Variants in PALM2AKAP2 observed in about 807,000 individuals in gnomAD.
PALM2AKAP2 encodes PALM2 and AKAP2 fusion.
In PALM2AKAP2, 37 loss-of-function variants were observed where a neutral mutation model predicts 71.5. The observed-to-expected ratio is 0.52, with a 90% confidence interval of 0.40 to 0.68. PALM2AKAP2 has a LOEUF of 0.68. PALM2AKAP2 is among the 30% of genes least tolerant of loss of function. PALM2AKAP2 has a pLI of 0.00. For missense variants in PALM2AKAP2, 1,224 were observed against 1,191.8 expected, an observed-to-expected ratio of 1.03 and a Z score of -0.40; for synonymous variants, 468 against 478.8, an observed-to-expected ratio of 0.98 and a Z score of 0.29.
intron 6 of PALM2AKAP2, among the ~76,000 whole-genome samples, chr9:109,979,825 A>C (rs926390486): frequency 1.3e-5 from 2 of 152,218 alleles, no homozygotes; most frequent in Admixed American, 6.5e-5. Flanking sequence ...AAATAGATTG[A>C]AAAATGAGAC....
At chr9:109,946,991 T>C (rs1395903010) in intron 6 of PALM2AKAP2, among the ~76,000 whole-genome samples, 2 of 152,234 alleles carry the variant, frequency 1.3e-5, no homozygotes, top group Non-Finnish European at 2.9e-5. Flanking sequence ...TTTCCTTGCA[T>C]AAGCAAAAAA....
intron 7 of PALM2AKAP2, among the ~76,000 whole-genome samples, chr9:110,038,499 GA>G (rs1833452836): frequency 6.6e-6 from 1 of 152,130 alleles, no homozygotes; most frequent in Non-Finnish European, 1.5e-5. Context: ...TGAGTTTGGA[GA>G]AATGACCACT....
At chr9:110,136,983 C>A in exon 2 of PALM2AKAP2, 1 of 1,614,122 alleles carries the variant, frequency 6.2e-7, no homozygotes, top group African/African-American at 1.3e-5. Context: ...CAGGAAAAAA[C>A]CATCGAGGAG....
At chr9:110,165,135 G>T (rs995788815) in intron 3 of PALM2AKAP2, among the ~76,000 whole-genome samples, 5 of 152,120 alleles carry the variant, frequency 3.3e-5, no homozygotes, top group Admixed American at 2.0e-4. Context: ...GATTCAAACA[G>T]TAACATCGTA....
intron 1 of PALM2AKAP2, among the ~76,000 whole-genome samples, chr9:109,661,887 T>G (rs1207005631): frequency 6.6e-6 from 1 of 152,218 alleles, no homozygotes; most frequent in African/African-American, 2.4e-5. Flanking sequence ...TTCACATCCC[T>G]TGTAAGTTGG....
At chr9:109,691,835 T>G (rs1481225272) in intron 1 of PALM2AKAP2, among the ~76,000 whole-genome samples, 16 of 12,934 alleles carry the variant, frequency 1.2e-3, no homozygotes, top group African/African-American at 0.011. Flanking sequence ...AGAAAGACGA[T>G]ATATATATAT....
chr9:109,982,567 A>G (rs1297430920), intron 6 of PALM2AKAP2, among the ~76,000 whole-genome samples: 1 of 152,236 alleles, frequency 6.6e-6, no homozygotes, highest in Non-Finnish European at 1.5e-5. Context: ...GTATCAAAAT[A>G]TATAATGTAC....
At chr9:109,780,262 G>T, upstream of PALM2AKAP2, 2 of 1,172,654 alleles carry the variant, frequency 1.7e-6, no homozygotes, top group South Asian at 4.1e-5. Flanking sequence ...GAGCGGCGGC[G>T]CTGGGGCGCA....
chr9:109,741,393 T>C (rs1466391978), intron 1 of PALM2AKAP2, among the ~76,000 whole-genome samples: 2 of 152,226 alleles, frequency 1.3e-5, no homozygotes, highest in Non-Finnish European at 1.5e-5. Flanking sequence ...TGGTTTTGGC[T>C]ATTTTCAATA....
chr9:109,768,591 G>A (rs1457297052), intron 1 of PALM2AKAP2, among the ~76,000 whole-genome samples: 1 of 152,142 alleles, frequency 6.6e-6, no homozygotes, highest in Non-Finnish European at 1.5e-5. Flanking sequence ...TGATACTTAA[G>A]TAGTTCCACA....
chr9:109,849,517 G>T (rs1490093661), intron 1 of PALM2AKAP2, among the ~76,000 whole-genome samples: 4 of 152,196 alleles, frequency 2.6e-5, no homozygotes, highest in African/African-American at 9.7e-5. Flanking sequence ...GGAGGCGAAG[G>T]TGGGTGGATC....
At chr9:110,124,779 T>C (rs1406123683) in intron 1 of PALM2AKAP2, among the ~76,000 whole-genome samples, 2 of 152,192 alleles carry the variant, frequency 1.3e-5, no homozygotes, top group Non-Finnish European at 1.5e-5. Flanking sequence ...AGACTTCAGA[T>C]GCATCTGTCC....
At chr9:109,966,438 C>T (rs567647871) in intron 6 of PALM2AKAP2, among the ~76,000 whole-genome samples, 12 of 152,318 alleles carry the variant, frequency 7.9e-5, no homozygotes, top group Admixed American at 1.3e-4. Context: ...GTTCTAATAC[C>T]AGTACTGCTG....
At chr9:110,003,202 A>T (rs1186391050) in intron 6 of PALM2AKAP2, among the ~76,000 whole-genome samples, 4 of 151,752 alleles carry the variant, frequency 2.6e-5, no homozygotes, top group Non-Finnish European at 5.9e-5. Context: ...CACTGCTTTG[A>T]ATGTGTCCCA....
intron 6 of PALM2AKAP2, among the ~76,000 whole-genome samples, chr9:109,962,475 GA>G (rs1254973961): frequency 6.6e-6 from 1 of 151,906 alleles, no homozygotes; most frequent in African/African-American, 2.4e-5. Context: ...GAGTAGTTGG[GA>G]AAAAAATCAT....
chr9:109,874,151 CAT>C (rs1491427340), intron 2 of PALM2AKAP2, among the ~76,000 whole-genome samples: 9 of 152,132 alleles, frequency 5.9e-5, no homozygotes. Flanking sequence ...GAATTCCTCA[CAT>C]GTCAGCCTCC....
At chr9:109,831,306 G>C (rs1023948962) in intron 1 of PALM2AKAP2, among the ~76,000 whole-genome samples, 5 of 152,092 alleles carry the variant, frequency 3.3e-5, no homozygotes, top group Admixed American at 1.3e-4. Context: ...TGACTGATGA[G>C]TACTCCCCAC....
chr9:110,130,396 C>T (rs958020984), intron 1 of PALM2AKAP2, among the ~76,000 whole-genome samples: 4 of 152,180 alleles, frequency 2.6e-5, no homozygotes, highest in Admixed American at 6.5e-5. Context: ...ACATTTCCTG[C>T]ATTCTTTAGG....
At chr9:109,707,107 A>C (rs2118597712) in intron 1 of PALM2AKAP2, among the ~76,000 whole-genome samples, 1 of 152,294 alleles carries the variant, frequency 6.6e-6, no homozygotes, top group African/African-American at 2.4e-5. Flanking sequence ...AGTTTTGAAA[A>C]CAGAGTCACA....
Sources: allele counts gnomAD v4.1 joint callset (sites outside exome capture counted in the v4.1 genomes callset), GRCh38; gene constraint gnomAD v4.1.1; transcripts MANE v1.5; gene names NCBI Gene and HGNC (gene_info 2026-07-23, HGNC 2026-07-21).